Variants in TAF1A observed in about 807,000 individuals in gnomAD.
TAF1A encodes the protein TATA-box binding protein associated factor, RNA polymerase I subunit A.
Under a neutral mutation model 61.6 loss-of-function variants are expected in TAF1A, and 42 were observed. That is an observed-to-expected ratio of 0.68 (90% CI 0.53 to 0.88). The LOEUF (loss-of-function observed/expected upper bound fraction) is 0.88, where lower values mean the gene tolerates loss of function less well. TAF1A is among the 40% of genes least tolerant of loss of function. The pLI is 0.00. For missense variants in TAF1A, 424 were observed against 518.7 expected, an observed-to-expected ratio of 0.82 and a Z score of 1.77; for synonymous variants, 179 against 177.7, an observed-to-expected ratio of 1.01 and a Z score of -0.06.
At position 222,570,367 on chromosome 1, in the gene TAF1A, G is replaced by A. The variant is rs529314200; in HGVS notation, c.735+168C>T. ...ATACTTGGCCACGACGGGTTATACA[G>A]TGGTGAAAATAAACAAATTCAGACC... On this transcript the variant is annotated intron_variant, in intron 6 of 10. Coordinates refer to ENST00000352967, the MANE Select transcript of TAF1A (RefSeq NM_005681.4). Among the ~76,000 whole-genome samples, 3 of 152,276 alleles carry A rather than the reference G, an allele frequency of 2.0e-5. No homozygotes were observed. The East Asian group carries it at 5.8e-4, about 29-fold the overall frequency.
At chr1:222,575,030 T>C (rs948037156) in intron 5 of TAF1A, among the ~76,000 whole-genome samples, 1 of 152,164 alleles carries the variant, frequency 6.6e-6, no homozygotes, top group African/African-American at 2.4e-5. Context: ...TTTTTCTGTA[T>C]CTATTTCTCA....
chr1:222,556,865 C>T (rs1350906354), downstream of TAF1A, among the ~76,000 whole-genome samples: 1 of 152,040 alleles, frequency 6.6e-6, no homozygotes, highest in Non-Finnish European at 1.5e-5. Context: ...AGATTTTTTC[C>T]ACATCGTCTG....
intron 4 of TAF1A, among the ~76,000 whole-genome samples, chr1:222,578,657 T>G (rs1176052176): frequency 6.6e-6 from 1 of 152,188 alleles, no homozygotes; most frequent in Non-Finnish European, 1.5e-5. Context: ...CTGATTCCCC[T>G]ACCCATTAAA....
intron 5 of TAF1A, among the ~76,000 whole-genome samples, chr1:222,575,698 T>A (rs1229996298): frequency 6.6e-6 from 1 of 152,218 alleles, no homozygotes; most frequent in Admixed American, 6.5e-5. Flanking sequence ...AGTTTGGTTA[T>A]AAAGAACTAG....
chr1:222,559,238 T>C (rs1166174114), intron 10 of TAF1A, among the ~76,000 whole-genome samples: 1 of 152,224 alleles, frequency 6.6e-6, no homozygotes, highest in African/African-American at 2.4e-5. Flanking sequence ...GTAAGAAAGT[T>C]CTCTGTAGAA....
downstream of TAF1A, among the ~76,000 whole-genome samples, chr1:222,554,188 T>C (rs1659702719): frequency 6.6e-6 from 1 of 152,230 alleles, no homozygotes; most frequent in African/African-American, 2.4e-5. Flanking sequence ...GAAGATTCAG[T>C]TCCATTGATA....
chr1:222,570,912 A>C (rs1660325807), intron 5 of TAF1A, among the ~76,000 whole-genome samples: 1 of 152,204 alleles, frequency 6.6e-6, no homozygotes, highest in Non-Finnish European at 1.5e-5. Flanking sequence ...CAACACAATA[A>C]AACTACAGAT....
downstream of TAF1A, among the ~76,000 whole-genome samples, chr1:222,555,818 T>C (rs751081326): frequency 1.3e-5 from 2 of 152,160 alleles, no homozygotes; most frequent in African/African-American, 2.4e-5. Flanking sequence ...AAACATCAGG[T>C]TGTACATCCT....
chr1:222,562,505 G>C (rs950878772), intron 9 of TAF1A, among the ~76,000 whole-genome samples: 2 of 152,142 alleles, frequency 1.3e-5, no homozygotes, highest in Non-Finnish European at 2.9e-5. Flanking sequence ...GTCCCATCGG[G>C]ACAAGTCAGA....
At chr1:222,562,667 CACTA>C (rs999986657) in intron 9 of TAF1A, among the ~76,000 whole-genome samples, 2 of 152,136 alleles carry the variant, frequency 1.3e-5, no homozygotes, top group Non-Finnish European at 2.9e-5. Context: ...CAAAATGTGA[CACTA>C]ACAATATTAT....
intron 2 of TAF1A, among the ~76,000 whole-genome samples, chr1:222,587,913 G>A (rs929791453): frequency 6.6e-6 from 1 of 152,000 alleles, no homozygotes; most frequent in African/African-American, 2.4e-5. Context: ...CTAGCCAGGC[G>A]TGGTGGCTGG....
intron 7 of TAF1A, among the ~76,000 whole-genome samples, chr1:222,567,230 G>A (rs2102645936): frequency 6.6e-6 from 1 of 152,312 alleles, no homozygotes; most frequent in East Asian, 1.9e-4. Context: ...CCACTTATAT[G>A]AGGTACCTAG....
At chr1:222,579,605 C>T (rs1016693986) in intron 4 of TAF1A, among the ~76,000 whole-genome samples, 154 bp downstream of exon 4, 1 of 152,138 alleles carries the variant, frequency 6.6e-6, no homozygotes, top group Non-Finnish European at 1.5e-5. Context: ...GTAAATGGTT[C>T]TCATAACGCT....
chr1:222,577,693 T>A, intron 4 of TAF1A, 50 bp from the exon 5 acceptor site: 1 of 1,496,632 alleles, frequency 6.7e-7, no homozygotes. Flanking sequence ...AGATAACCAT[T>A]AGTCAAAAAG....
chr1:222,568,181 GA>G (rs34547178), intron 7 of TAF1A, among the ~76,000 whole-genome samples: 59,372 of 119,198 alleles, frequency 0.5, 12,886 homozygotes, highest in African/African-American at 0.61. Context: ...AACACATCTA[GA>G]AAAAAAAAAA....
At chr1:222,576,936 G>A (rs1247249626) in intron 5 of TAF1A, among the ~76,000 whole-genome samples, 1 of 152,164 alleles carries the variant, frequency 6.6e-6, no homozygotes, top group Non-Finnish European at 1.5e-5. Flanking sequence ...CTTGAACATA[G>A]TTTCTAGAAC....
At chr1:222,572,761 T>C (rs1329849201) in intron 5 of TAF1A, among the ~76,000 whole-genome samples, 1 of 152,208 alleles carries the variant, frequency 6.6e-6, no homozygotes, top group Non-Finnish European at 1.5e-5. Context: ...ATAATAAAGT[T>C]GGGCCCCTAC....
intron 1 of TAF1A, among the ~76,000 whole-genome samples, 181 bp downstream of exon 1, chr1:222,589,546 C>T (rs1414014860): frequency 1.3e-5 from 2 of 152,152 alleles, no homozygotes; most frequent in Admixed American, 6.5e-5. Context: ...CCTCAAAAAC[C>T]CAAATTGGTG....
intron 10 of TAF1A, among the ~76,000 whole-genome samples, chr1:222,560,607 C>T (rs1193293124): frequency 6.6e-5 from 10 of 152,128 alleles, no homozygotes; most frequent in Non-Finnish European, 2.9e-5. Context: ...TTTTTATTTT[C>T]TTCTTAATCA....
Sources: allele counts gnomAD v4.1 joint callset (sites outside exome capture counted in the v4.1 genomes callset), GRCh38; gene constraint gnomAD v4.1.1; transcripts MANE v1.5; gene names NCBI Gene and HGNC (gene_info 2026-07-23, HGNC 2026-07-21).